The following CCDC85A variants were observed in gnomAD, a reference collection of about 807,000 sequenced individuals.
CCDC85A encodes the protein coiled-coil domain containing 85A.
Under a neutral mutation model 50.2 loss-of-function variants are expected in CCDC85A, and 38 were observed. The observed-to-expected ratio is 0.76, with a 90% CI of 0.58 to 0.99. The LOEUF (loss-of-function observed/expected upper bound fraction) is 0.99. Among genes scored for constraint, CCDC85A ranks in the 50% least tolerant of loss-of-function variants. The pLI, the probability that CCDC85A is intolerant of heterozygous loss-of-function variation, is 0.00. For missense variants in CCDC85A, 820 were observed against 742.0 expected, an observed-to-expected ratio of 1.11 and a Z score of -1.22; for synonymous variants, 366 against 301.4, an observed-to-expected ratio of 1.21 and a Z score of -2.22.
chr2:56,363,759 T>C (rs1675653423), intron 3 of CCDC85A, among the ~76,000 whole-genome samples: 2 of 152,200 alleles, frequency 1.3e-5, no homozygotes, highest in African/African-American at 4.8e-5. Context: ...CTGAGGTGTT[T>C]AACACAATTA....
At chr2:56,269,925 G>C (rs1333221103) in intron 2 of CCDC85A, among the ~76,000 whole-genome samples, 3 of 152,164 alleles carry the variant, frequency 2.0e-5, no homozygotes, top group Non-Finnish European at 4.4e-5. Context: ...TCAACACAGA[G>C]CATACATAGC....
chr2:56,291,939 C>G (rs1185182696), intron 2 of CCDC85A, among the ~76,000 whole-genome samples: 1 of 152,026 alleles, frequency 6.6e-6, no homozygotes, highest in Non-Finnish European at 1.5e-5. Flanking sequence ...ATGGCAAAGG[C>G]TAGCTTGCAC....
rs144352650 is a variant in CCDC85A, at chr2:56,201,516, T to C, written c.1240+8076T>C. ...GTCTTCTCATCTTTCTCCTAATTAT[T>C]GAGGGACTTTTTGGCTTTTAGGGAA... On this transcript the variant is annotated intron_variant, in intron 2 of 5. Coordinates refer to ENST00000407595, the MANE Select transcript of CCDC85A (RefSeq NM_001080433.2). Among the ~76,000 whole-genome samples, 337 of 152,286 alleles carry C rather than the reference T, an allele frequency of 2.2e-3. 2 individuals carry two copies. Among genetic ancestry groups the C allele is most frequent in the African/African-American group, 7.7e-3 (320 of 41,564 alleles).
chr2:56,245,303 A>G (rs1368136911), intron 2 of CCDC85A, among the ~76,000 whole-genome samples: 2 of 152,216 alleles, frequency 1.3e-5, no homozygotes, highest in African/African-American at 4.8e-5. Flanking sequence ...TCCCTCTATG[A>G]GCACCAGCTG....
chr2:56,329,481 A>G (rs1673657124), intron 2 of CCDC85A, among the ~76,000 whole-genome samples: 1 of 152,256 alleles, frequency 6.6e-6, no homozygotes, highest in Non-Finnish European at 1.5e-5. Context: ...TGACAAATAT[A>G]TGAAAAATTC....
chr2:56,201,076 C>CT (rs150330240), intron 2 of CCDC85A, among the ~76,000 whole-genome samples: 112,963 of 147,402 alleles, frequency 0.77, 43,501 homozygotes, highest in Non-Finnish European at 0.8. Context: ...TCATCTCTCT[C>CT]CACACACACA....
rs1176017492 is a variant in CCDC85A, at chr2:56,306,578, G to A, written c.1241-36301G>A. 2.6e-5 allele frequency among the ~76,000 whole-genome samples: 4 copies of A among 152,164 alleles called. No homozygotes were observed. The East Asian group carries it at 5.8e-4, about 22-fold the overall frequency. ...GTTTCTCAATTAATGACATTTGGAT[G>A]TATGGTTGTATAAGCAGTTATGTCA... On this transcript the variant is annotated intron_variant, in intron 2 of 5. Coordinates refer to ENST00000407595, the MANE Select transcript of CCDC85A (RefSeq NM_001080433.2).
At chr2:56,297,487 G>C (rs943378587) in intron 2 of CCDC85A, among the ~76,000 whole-genome samples, 1 of 151,574 alleles carries the variant, frequency 6.6e-6, no homozygotes, top group Non-Finnish European at 1.5e-5. Context: ...CCAAGGATTA[G>C]GGCTAAGAGT....
At chr2:56,357,655 C>CTTTTTTTTTTT (rs67738219) in intron 3 of CCDC85A, among the ~76,000 whole-genome samples, 10 of 114,592 alleles carry the variant, frequency 8.7e-5, no homozygotes, top group African/African-American at 1.4e-4. Context: ...TGTCCATTTC[C>CTTTTTTTTTTT]TTTTTTTTTT....
At chr2:56,188,491 A>C (rs1676147079) in intron 1 of CCDC85A, among the ~76,000 whole-genome samples, 2 of 152,366 alleles carry the variant, frequency 1.3e-5, no homozygotes, top group East Asian at 1.9e-4. Context: ...AGAAATCAGA[A>C]GTAGCTGTAG....
chr2:56,189,121 T>C (rs1412931052), intron 1 of CCDC85A, among the ~76,000 whole-genome samples: 1 of 152,128 alleles, frequency 6.6e-6, no homozygotes, highest in African/African-American at 2.4e-5. Context: ...GATGATATTT[T>C]CTAGTTGGAA....
intron 2 of CCDC85A, among the ~76,000 whole-genome samples, chr2:56,262,077 A>C (rs1670241910): frequency 6.6e-6 from 1 of 152,092 alleles, no homozygotes; most frequent in African/African-American, 2.4e-5. Flanking sequence ...CAGTTAAGAA[A>C]ATACTCTAAT....
intron 2 of CCDC85A, among the ~76,000 whole-genome samples, chr2:56,287,923 TGAGTTTTTCGTCTTC>T (rs1671518399): frequency 6.6e-6 from 1 of 152,158 alleles, no homozygotes; most frequent in Non-Finnish European, 1.5e-5. Flanking sequence ...CTGTTGTCTT[TGAGTTTTTCGTCTTC>T]CACAGAGAGC....
chr2:56,375,769 A>T lies in CCDC85A; in HGVS notation c.1453-47A>T, dbSNP rs775182326. On this transcript the variant is annotated intron_variant, in intron 4 of 5. Coordinates refer to ENST00000407595, the MANE Select transcript of CCDC85A (RefSeq NM_001080433.2). ...AATATTGAATGACATCTTTGTAGTT[A>T]TAAACGACTTTTGTTTTAATAACAA... 18 of 1,595,792 alleles carry T rather than the reference A, an allele frequency of 1.1e-5. No homozygotes were observed. In the African/African-American group the frequency reaches 2.0e-4, roughly 18 times the overall value.
At position 56,192,440 on chromosome 2, in the gene CCDC85A, G is replaced by A; in HGVS notation, c.277-37G>A. 1 of 1,570,248 alleles carries A rather than the reference G, an allele frequency of 6.4e-7. No individual in the cohort carries two copies. The highest frequency in any genetic ancestry group is 1.4e-5 in the African/African-American group (1 of 73,874). On this transcript the variant is annotated intron_variant, in intron 1 of 5. Transcript: ENST00000407595. The surrounding 1 kb of genome is among the most constrained non-coding windows in gnomAD (Gnocchi z 4.7). ...GTCTGAGCCTGCTGACACCTCAGATGTGTACTTCCCTTGAATGGTTGTGTC... is the reference window on the plus strand; with the variant it reads ...GTCTGAGCCTGCTGACACCTCAGATATGTACTTCCCTTGAATGGTTGTGTC...
chr2:56,292,922 T>A (rs892448176), intron 2 of CCDC85A, among the ~76,000 whole-genome samples: 1 of 152,236 alleles, frequency 6.6e-6, no homozygotes, highest in Admixed American at 6.5e-5. Context: ...GCAGATAATC[T>A]TCTAAACCCA....
At chr2:56,327,002 C>T (rs987413423) in intron 2 of CCDC85A, among the ~76,000 whole-genome samples, 2 of 152,096 alleles carry the variant, frequency 1.3e-5, no homozygotes, top group Admixed American at 1.3e-4. Flanking sequence ...AACTGGTATG[C>T]ATCTATCACA....
chr2:56,256,573 A>G (rs1455264586), intron 2 of CCDC85A, among the ~76,000 whole-genome samples: 3 of 152,218 alleles, frequency 2.0e-5, no homozygotes, highest in Non-Finnish European at 4.4e-5. Flanking sequence ...CGCAACTCAG[A>G]TATTTTCTAG....
At chr2:56,322,229 A>C (rs571012311) in intron 2 of CCDC85A, among the ~76,000 whole-genome samples, 2 of 152,230 alleles carry the variant, frequency 1.3e-5, no homozygotes, top group African/African-American at 4.8e-5. Context: ...GGCCATAGGC[A>C]TGGGCAAGGG....
Sources: allele counts gnomAD v4.1 joint callset (sites outside exome capture counted in the v4.1 genomes callset), GRCh38; gene constraint gnomAD v4.1.1; non-coding constraint Gnocchi (gnomAD v3.1); transcripts MANE v1.5; gene names NCBI Gene and HGNC (gene_info 2026-07-23, HGNC 2026-07-21).